The following CLIC5 variants were observed in gnomAD, a reference collection of about 807,000 sequenced individuals.
The protein encoded by CLIC5 is CLIC family member 5.
Under a neutral mutation model 24.7 loss-of-function variants are expected in CLIC5, and 20 were observed. The observed-to-expected ratio is 0.81, with a 90% CI of 0.57 to 1.18. The LOEUF (loss-of-function observed/expected upper bound fraction) is 1.18. Ranked by LOEUF, CLIC5 falls within the 50% of genes most tolerant of loss-of-function variation. CLIC5 has a pLI of 0.00. For missense variants in CLIC5, 341 were observed against 326.1 expected, an observed-to-expected ratio of 1.05 and a Z score of -0.35; for synonymous variants, 159 against 135.6, an observed-to-expected ratio of 1.17 and a Z score of -1.20.
intron 1 of CLIC5, among the ~76,000 whole-genome samples, chr6:46,038,640 G>C (rs1767726517): frequency 6.6e-6 from 1 of 152,148 alleles, no homozygotes; most frequent in African/African-American, 2.4e-5. Context: ...AGTTCTAGTG[G>C]GCTCAGCCAG....
At position 46,044,981 on chromosome 6, in the gene CLIC5, C is replaced by A. The variant is rs528017443; in HGVS notation, c.540+34722G>T. On this transcript the variant is annotated intron_variant, in intron 1 of 5. Coordinates refer to the CLIC5 transcript ENST00000185206. ...CTTGAGCACTCAGCTCCTCCAGAAG[C>A]GGCTGGCATCTAGCATGCTTGCCAT... Among the ~76,000 whole-genome samples, 66 of 152,124 alleles carry A rather than the reference C, an allele frequency of 4.3e-4. 1 individual carries two copies. Among genetic ancestry groups the A allele is most frequent in the Non-Finnish European group, 4.1e-4 (28 of 68,010 alleles).
intron 4 of CLIC5, among the ~76,000 whole-genome samples, chr6:45,929,982 C>A: frequency 6.6e-6 from 1 of 152,146 alleles, no homozygotes; most frequent in East Asian, 1.9e-4. Flanking sequence ...GCCACTGTGA[C>A]ACGGGGGCTG....
intron 4 of CLIC5, chr6:45,937,496 T>C (rs895115052): frequency 6.6e-6 from 1 of 152,204 alleles, no homozygotes; most frequent in African/African-American, 2.4e-5. Context: ...GGTAAAGTTG[T>C]GCAGCTAGAA....
At chr6:45,948,094 T>C (rs759604873) in intron 3 of CLIC5, among the ~76,000 whole-genome samples, 1 of 152,224 alleles carries the variant, frequency 6.6e-6, no homozygotes, top group Non-Finnish European at 1.5e-5. Context: ...AGGATAATGA[T>C]AGTACCTAGG....
chr6:46,088,829 G>A, the CLIC5 span, among the ~76,000 whole-genome samples: 1 of 152,262 alleles, frequency 6.6e-6, no homozygotes, highest in South Asian at 2.1e-4. Flanking sequence ...AAAGGCAGAG[G>A]ATTTTGCTTG....
At chr6:45,982,612 A>G (rs1765603276) in intron 1 of CLIC5, among the ~76,000 whole-genome samples, 1 of 152,184 alleles carries the variant, frequency 6.6e-6, no homozygotes, top group Non-Finnish European at 1.5e-5. Context: ...TTTGTGTATC[A>G]AAATATAGAA....
chr6:46,022,746 A>G (rs1767218933), intron 1 of CLIC5, among the ~76,000 whole-genome samples: 1 of 152,160 alleles, frequency 6.6e-6, no homozygotes, highest in Non-Finnish European at 1.5e-5. Flanking sequence ...CACTCATCCC[A>G]CTGATTCACT....
chr6:45,904,648 CTTTCCT>C (rs1244583994), intron 5 of CLIC5, among the ~76,000 whole-genome samples: 60 of 126,168 alleles, frequency 4.8e-4, no homozygotes, highest in East Asian at 7.3e-4. Flanking sequence ...TTTTCTGTCC[CTTTCCT>C]TCCCTCCCTA....
At position 45,914,215 on chromosome 6, in the gene CLIC5, A is replaced by G. The variant is rs752787068; in HGVS notation, c.588+13T>C. 1.2e-5 allele frequency: 19 copies of G among 1,543,708 alleles called. 1 individual carries two copies. Among genetic ancestry groups the G allele is most frequent in the Non-Finnish European group, 1.5e-5 (17 of 1,131,974 alleles). The stretch of plus-strand genomic sequence containing the variant: ...CTGGATCTTGCAGGCCCCTGTGGGT[A>G]GAGCTCTCTTACCTTGACCACATGG... On this transcript the variant is annotated intron_variant, in intron 5 of 5. Coordinates refer to ENST00000339561, the MANE Select transcript of CLIC5 (RefSeq NM_016929.5).
chr6:46,097,800 G>A, the CLIC5 span, among the ~76,000 whole-genome samples: 1 of 152,158 alleles, frequency 6.6e-6, no homozygotes, highest in Admixed American at 6.5e-5. Context: ...AGTACCTTCT[G>A]TTATAATTTA....
chr6:46,040,295 T>C (rs1042344474), intron 1 of CLIC5, among the ~76,000 whole-genome samples: 1 of 152,108 alleles, frequency 6.6e-6, no homozygotes, highest in African/African-American at 2.4e-5. Flanking sequence ...ACGCGATTGG[T>C]AGTATTTGAT....
intron 5 of CLIC5, among the ~76,000 whole-genome samples, chr6:45,904,015 A>T (rs1457349958): frequency 6.6e-6 from 1 of 152,018 alleles, no homozygotes; most frequent in African/African-American, 2.4e-5. Context: ...GTCAGGGGGG[A>T]TGTGGACTGG....
At chr6:45,883,122 A>G (rs577859176) in intron 6 of CLIC5, among the ~76,000 whole-genome samples, 87 of 152,288 alleles carry the variant, frequency 5.7e-4, no homozygotes, top group Admixed American at 1.1e-3. Flanking sequence ...TTACCTGTAG[A>G]ACAAAGGGCT....
At position 45,997,005 on chromosome 6, in the gene CLIC5, T is replaced by A. The variant is rs1336124164; in HGVS notation, c.63+18475A>T. Among the ~76,000 whole-genome samples the A allele has an allele frequency of 3.3e-5, 5 of 152,230 alleles. No homozygotes were observed. In the East Asian group the frequency reaches 9.7e-4, roughly 29 times the overall value. On this transcript the variant is annotated intron_variant, in intron 1 of 5. Transcript: ENST00000339561. Reference sequence around the variant, plus strand: ...TTGACCCAGCCATCCCATTACTGGGTATATACCCAAAAGACTATAAATCAT... The same window carrying A: ...TTGACCCAGCCATCCCATTACTGGGAATATACCCAAAAGACTATAAATCAT...
intron 1 of CLIC5, among the ~76,000 whole-genome samples, chr6:46,021,617 A>C (rs1425645656): frequency 6.6e-6 from 1 of 152,266 alleles, no homozygotes; most frequent in Non-Finnish European, 1.5e-5. Context: ...AGAATGAGCT[A>C]TTAATTGGTG....
chr6:46,016,291 G>A (rs1039932877), upstream of CLIC5, among the ~76,000 whole-genome samples: 11 of 152,100 alleles, frequency 7.2e-5, no homozygotes, highest in African/African-American at 2.7e-4. Flanking sequence ...CAGCTCCTCC[G>A]AGTTACTCCA....
intron 6 of CLIC5, among the ~76,000 whole-genome samples, chr6:45,882,635 G>T (rs1762273261): frequency 6.6e-6 from 1 of 152,200 alleles, no homozygotes; most frequent in Non-Finnish European, 1.5e-5. Flanking sequence ...ATACGCATGT[G>T]TTTTTGTTTT....
chr6:45,996,730 G>A (rs1323629387), intron 1 of CLIC5, among the ~76,000 whole-genome samples: 2 of 152,092 alleles, frequency 1.3e-5, no homozygotes, highest in Non-Finnish European at 2.9e-5. Flanking sequence ...AGACATTTAT[G>A]CAGCCAAAAG....
At position 46,015,858 on chromosome 6, in the gene CLIC5, A is replaced by G. The variant is rs1766986043; in HGVS notation, c.-316T>C. The G allele has an allele frequency of 9.1e-7, 1 of 1,094,350 alleles. No individual in the cohort carries two copies. Among genetic ancestry groups the G allele is most frequent in the African/African-American group, 1.6e-5 (1 of 60,990 alleles). 67.8% of individuals were successfully genotyped at this position (1,094,350 alleles called of 1,614,324 possible). A position where few individuals can be genotyped will look rare whatever the true frequency, so the allele number is the denominator to read the frequency against. ...AGGTGTCACAGGATCCGCGACTGTC[A>G]GCGATCCCGCCGCCGCCAACGCGCC... On this transcript the variant is annotated 5_prime_UTR_variant, in exon 1 of 6. Transcript: ENST00000339561.
Sources: gnomAD v4.1 joint callset for allele counts (sites outside exome capture counted in the v4.1 genomes callset) on GRCh38, gnomAD v4.1.1 for gene constraint, MANE v1.5 for transcripts, NCBI Gene and HGNC (gene_info 2026-07-23, HGNC 2026-07-21) for gene names.